The following ADGRL3 variants were observed in gnomAD, a reference collection of about 807,000 sequenced individuals.
ADGRL3 encodes the protein adhesion G protein-coupled receptor L3.
A neutral mutation model predicts 153.5 loss-of-function variants in ADGRL3; 62 were observed. The ratio of observed to expected loss-of-function variants is 0.40; its 90% confidence interval spans 0.33 to 0.50. The LOEUF is 0.50. Ranked by LOEUF, ADGRL3 falls within the 20% of genes least tolerant of loss-of-function variation. The probability of loss-of-function intolerance (pLI) is 0.47; values close to 1 mark genes in which losing one functional copy is unlikely to be tolerated. For missense variants in ADGRL3, 1,641 were observed against 1,859.4 expected (o/e 0.88, Z 2.16); for synonymous variants, 710 against 672.5 (o/e 1.06, Z -0.86).
intron 1 of ADGRL3, among the ~76,000 whole-genome samples, chr4:61,217,838 C>T (rs748930490): frequency 6.6e-5 from 10 of 152,140 alleles, no homozygotes; most frequent in Non-Finnish European, 1.2e-4. Context: ...TCTTTTGTCC[C>T]TGAGAAACGC....
intron 19 of ADGRL3, among the ~76,000 whole-genome samples, chr4:61,983,971 C>G (rs2099077025): frequency 6.6e-6 from 1 of 152,102 alleles, no homozygotes; most frequent in Admixed American, 6.6e-5. Flanking sequence ...TTATCTTCTT[C>G]CTGCCAAGTC....
chr4:61,727,373 C>T (rs553369746), intron 6 of ADGRL3, among the ~76,000 whole-genome samples: 52 of 151,930 alleles, frequency 3.4e-4, no homozygotes, highest in African/African-American at 1.2e-3. Flanking sequence ...GCTGAATGCA[C>T]AGTAAAAATA....
chr4:61,220,432 C>G (rs1744950787), intron 1 of ADGRL3, among the ~76,000 whole-genome samples: 1 of 152,034 alleles, frequency 6.6e-6, no homozygotes, highest in African/African-American at 2.4e-5. Context: ...GGGTCACTTC[C>G]TAAGTATCAT....
At chr4:62,004,755 C>G (rs1016749333) in intron 21 of ADGRL3, among the ~76,000 whole-genome samples, 3 of 151,886 alleles carry the variant, frequency 2.0e-5, no homozygotes, top group Non-Finnish European at 4.4e-5. Flanking sequence ...TCTCCATGCC[C>G]ATGTATATAC....
chr4:61,647,141 G>GC (rs988990918), intron 5 of ADGRL3, among the ~76,000 whole-genome samples: 1 of 151,980 alleles, frequency 6.6e-6, no homozygotes, highest in Non-Finnish European at 1.5e-5. Flanking sequence ...CAGCTCCTGC[G>GC]CGGTGCACTG....
rs768503030 is a variant in ADGRL3, at chr4:61,587,219, T to G, written c.260-8T>G. On this transcript the variant is annotated splice_polypyrimidine_tract_variant and splice_region_variant and intron_variant, in intron 4 of 26. Transcript: ENST00000683033. Reference sequence around the variant, plus strand: ...TGGCATCTCTTTTCTTCCTCTTCCTTTTGGCAGCTTTCAGCCGTGCCCCAA... The same window carrying G: ...TGGCATCTCTTTTCTTCCTCTTCCTGTTGGCAGCTTTCAGCCGTGCCCCAA... 2 of 1,590,592 alleles carry G rather than the reference T, an allele frequency of 1.3e-6. No homozygotes were observed.
At chr4:61,847,186 A>C (rs1226719295) in intron 9 of ADGRL3, among the ~76,000 whole-genome samples, 1 of 152,024 alleles carries the variant, frequency 6.6e-6, no homozygotes, top group Non-Finnish European at 1.5e-5. Context: ...GTTCATATTA[A>C]TAGCACTACA....
chr4:61,327,106 T>C (rs1253504076), intron 1 of ADGRL3, among the ~76,000 whole-genome samples: 3 of 152,044 alleles, frequency 2.0e-5, no homozygotes, highest in African/African-American at 7.2e-5. Context: ...AGAGATACTT[T>C]GCTTCACTTT....
chr4:61,716,308 C>A (rs1475895142), intron 6 of ADGRL3, among the ~76,000 whole-genome samples: 1 of 152,010 alleles, frequency 6.6e-6, no homozygotes, highest in Non-Finnish European at 1.5e-5. Context: ...GAGTACATAT[C>A]AGAAATATAG....
intron 4 of ADGRL3, among the ~76,000 whole-genome samples, chr4:61,559,672 A>C (rs1438112299): frequency 6.6e-6 from 1 of 152,078 alleles, no homozygotes; most frequent in Admixed American, 6.6e-5. Flanking sequence ...AAGGGGATGA[A>C]AGTGTGACTC....
chr4:61,875,736 A>G (rs1469900527), intron 9 of ADGRL3, among the ~76,000 whole-genome samples: 1 of 152,180 alleles, frequency 6.6e-6, no homozygotes, highest in Non-Finnish European at 1.5e-5. Flanking sequence ...TCTACAAATA[A>G]CTAGAGTTCT....
chr4:61,282,468 G>T (rs902147505), intron 1 of ADGRL3, among the ~76,000 whole-genome samples: 5 of 151,966 alleles, frequency 3.3e-5, no homozygotes, highest in African/African-American at 9.7e-5. Context: ...ATCATTTTGT[G>T]TATGGGTTTT....
rs35250485 is a variant in ADGRL3 at position 62,051,168 on chromosome 4, G to GTATATATA, written c.3814+6634_3814+6641dup. On this transcript the variant is annotated intron_variant, in intron 25 of 26. Coordinates refer to ENST00000683033, the MANE Select transcript of ADGRL3 (RefSeq NM_001387552.1). Reference sequence around the variant, plus strand: ...ATACACAAAGAACGTGTGTGTGTGTGTATATATATATATATATATATACAT... The same window carrying GTATATATA: ...ATACACAAAGAACGTGTGTGTGTGTGTATATATATATATATATATATATATATATACAT... Among the ~76,000 whole-genome samples, 430 of 139,124 alleles carry GTATATATA rather than the reference G, an allele frequency of 3.1e-3. 6 individuals are homozygous for GTATATATA. The highest frequency in any genetic ancestry group is 0.011 in the African/African-American group (406 of 37,412). The allele number at this position is 139,124 out of a possible 152,430, so 91.3% of individuals were successfully genotyped here.
At chr4:61,491,986 C>T (rs2152784629) in intron 2 of ADGRL3, among the ~76,000 whole-genome samples, 1 of 151,330 alleles carries the variant, frequency 6.6e-6, no homozygotes, top group East Asian at 2.0e-4. Flanking sequence ...GTTGTAAGGT[C>T]ATAGCTATGA....
intron 2 of ADGRL3, among the ~76,000 whole-genome samples, chr4:61,438,499 TTA>T: frequency 6.6e-6 from 1 of 151,816 alleles, no homozygotes; most frequent in African/African-American, 2.4e-5. Context: ...AGAAATGAAC[TTA>T]TTTTATTTTT....
intron 5 of ADGRL3, among the ~76,000 whole-genome samples, chr4:61,646,875 C>A (rs1365547743): frequency 6.6e-6 from 1 of 152,216 alleles, no homozygotes; most frequent in East Asian, 1.9e-4. Flanking sequence ...CCTCCCCCAG[C>A]CTGGCTGCCG....
At chr4:61,478,692 A>T (rs2098095667) in intron 2 of ADGRL3, among the ~76,000 whole-genome samples, 1 of 151,934 alleles carries the variant, frequency 6.6e-6, no homozygotes, top group South Asian at 2.1e-4. Context: ...TCTTTCTTGG[A>T]TCTGGATAAT....
chr4:61,782,766 C>T (rs1434402442), intron 8 of ADGRL3, among the ~76,000 whole-genome samples: 1 of 152,070 alleles, frequency 6.6e-6, no homozygotes, highest in East Asian at 1.9e-4. Context: ...GAAGACTCTG[C>T]CAGTAAAGCA....
At chr4:61,763,486 C>T (rs2096937799) in intron 8 of ADGRL3, among the ~76,000 whole-genome samples, 1 of 151,974 alleles carries the variant, frequency 6.6e-6, no homozygotes, top group Non-Finnish European at 1.5e-5. Context: ...AGGAAATAGA[C>T]AATTGTGAAT....
Sources: allele counts gnomAD v4.1 joint callset (sites outside exome capture counted in the v4.1 genomes callset), GRCh38; gene constraint gnomAD v4.1.1; transcripts MANE v1.5; gene names NCBI Gene and HGNC (gene_info 2026-07-23, HGNC 2026-07-21).